Variants in CLIP4 observed in about 807,000 individuals in gnomAD.
CLIP4 encodes the protein CAP-Gly domain-containing linker protein 4.
Under a neutral mutation model 73.1 loss-of-function variants are expected in CLIP4, and 47 were observed. The observed-to-expected ratio is 0.64, with a 90% CI of 0.51 to 0.82. The LOEUF (loss-of-function observed/expected upper bound fraction) is 0.82, where lower values mean the gene tolerates loss of function less well. CLIP4 is among the 40% of genes least tolerant of loss of function. The pLI is 0.00. For missense variants in CLIP4, 874 were observed against 852.9 expected (o/e 1.02, Z -0.31); for synonymous variants, 306 against 295.4 (o/e 1.04, Z -0.37).
At chr2:29,155,950 T>C (rs1666894972) in intron 9 of CLIP4, among the ~76,000 whole-genome samples, 1 of 152,250 alleles carries the variant, frequency 6.6e-6, no homozygotes, top group South Asian at 2.1e-4. Flanking sequence ...CTGTCTAGTC[T>C]TGCTTTTCCT....
In CLIP4 at chr2:29,173,545, A is replaced by G. The variant is rs560394761; in HGVS notation, c.1724-828A>G. On this transcript the variant is annotated intron_variant, in intron 14 of 15. Transcript: ENST00000320081. ...AAAGCCTGCTGGTATAAGATGGTCA[A>G]TTACTTTGGTGCTTGGAGGCCTCTG... Among the ~76,000 whole-genome samples, 229 of 152,284 alleles carry G rather than the reference A, an allele frequency of 1.5e-3. 1 individual carries two copies. Among genetic ancestry groups the G allele is most frequent in the African/African-American group, 5.2e-3 (217 of 41,554 alleles).
chr2:29,149,986 A>G (rs907063772), intron 8 of CLIP4, among the ~76,000 whole-genome samples: 1 of 152,228 alleles, frequency 6.6e-6, no homozygotes, highest in Non-Finnish European at 1.5e-5. Flanking sequence ...ACTTATAATC[A>G]TAAACATTAT....
At chr2:29,150,122 C>G (rs929037551) in intron 8 of CLIP4, among the ~76,000 whole-genome samples, 1 of 152,190 alleles carries the variant, frequency 6.6e-6, no homozygotes, top group East Asian at 1.9e-4. Context: ...AGCCAACATG[C>G]TACATCCTAG....
At position 29,181,815 on chromosome 2, in the gene CLIP4, C is replaced by A. The variant is rs1558595090; in HGVS notation, c.2040C>A (p.Asn680Lys). 2 of 1,614,148 alleles carry A rather than the reference C, an allele frequency of 1.2e-6. No individual in the cohort carries two copies. Among genetic ancestry groups the A allele is most frequent in the Admixed American group, 1.7e-5 (1 of 60,032 alleles). The change falls in exon 16 of 16, where the codon AAC (asparagine) becomes AAA (lysine). Residue 680 changes from asparagine (N) to lysine (K), a missense_variant. Physicochemically the swap from Asn to Lys is moderately conservative, Grantham distance 94. Transcript: ENST00000320081. ...AGCGCTATTTCACCTGTAAGCCGAA[C>A]CATGGAGTCTTAGTTCGACCGAGCA... is the stretch of plus-strand genomic sequence containing the variant. ...GDKRYFTCKP[N>K]HGVLVRPSRV... is the part of the protein sequence containing the mutation.
At chr2:29,140,770 T>G (rs1005633448) in intron 6 of CLIP4, among the ~76,000 whole-genome samples, 5 of 152,238 alleles carry the variant, frequency 3.3e-5, no homozygotes, top group African/African-American at 7.2e-5. Flanking sequence ...ATGATCGCCA[T>G]TCTAACAGGT....
At chr2:29,153,983 T>G (rs1666752790) in intron 9 of CLIP4, among the ~76,000 whole-genome samples, 1 of 152,226 alleles carries the variant, frequency 6.6e-6, no homozygotes, top group Non-Finnish European at 1.5e-5. Context: ...ATCTGATGTT[T>G]TAGTTGAAGC....
chr2:29,115,346 A>T (rs994669192), upstream of CLIP4: 4 of 151,716 alleles, frequency 2.6e-5, no homozygotes, highest in Non-Finnish European at 5.9e-5. The surrounding 1 kb of genome is among the most constrained non-coding windows in gnomAD (Gnocchi z 5.1). Context: ...GCGCCCGATC[A>T]TCTGACTGCT....
chr2:29,173,981 T>C (rs185756796), intron 14 of CLIP4, among the ~76,000 whole-genome samples: 1 of 152,232 alleles, frequency 6.6e-6, no homozygotes, highest in East Asian at 1.9e-4. Flanking sequence ...AGAAATCTTA[T>C]AATGAAATTC....
chr2:29,123,180 C>T (rs1664383149), intron 2 of CLIP4, among the ~76,000 whole-genome samples: 1 of 152,178 alleles, frequency 6.6e-6, no homozygotes, highest in African/African-American at 2.4e-5. Flanking sequence ...GCCTGAAACT[C>T]CTTAGGCTAC....
chr2:29,140,031 CTTAT>C (rs1192081226), intron 6 of CLIP4, among the ~76,000 whole-genome samples: 3 of 151,270 alleles, frequency 2.0e-5, no homozygotes, highest in Non-Finnish European at 2.9e-5. Context: ...TTAGTTTGTT[CTTAT>C]TTATTTTTTT....
At chr2:29,127,856 T>C (rs189054474) in intron 2 of CLIP4, among the ~76,000 whole-genome samples, 1 of 152,164 alleles carries the variant, frequency 6.6e-6, no homozygotes, top group South Asian at 2.1e-4. Context: ...AGTTACAGAT[T>C]TGATGACAGT....
At position 29,149,623 on chromosome 2, in the gene CLIP4, A is replaced by G. The variant is rs374391238; in HGVS notation, c.1022-3062A>G. On this transcript the variant is annotated intron_variant, in intron 8 of 15. Coordinates refer to ENST00000320081, the MANE Select transcript of CLIP4 (RefSeq NM_024692.6). ...TCGAGATTTGAGAAAAGTCCTATCA[A>G]TACTTCAGTTAGCCTGAGTAACTGA... Among the ~76,000 whole-genome samples, 297 of 152,014 alleles carry G rather than the reference A, an allele frequency of 2.0e-3. 2 individuals carry two copies. Among genetic ancestry groups the G allele is most frequent in the Non-Finnish European group, 2.9e-3 (199 of 67,946 alleles).
At chr2:29,111,612 T>C (rs940685753), upstream of CLIP4, among the ~76,000 whole-genome samples, 1 of 152,258 alleles carries the variant, frequency 6.6e-6, no homozygotes, top group African/African-American at 2.4e-5. Context: ...ATTTTTATAT[T>C]GGCCTTTAAA....
intron 13 of CLIP4, among the ~76,000 whole-genome samples, chr2:29,164,295 T>A (rs1667468603): frequency 6.6e-6 from 1 of 152,200 alleles, no homozygotes; most frequent in Admixed American, 6.5e-5. Context: ...TTCAGTCACA[T>A]CCTAACTACA....
At chr2:29,130,843 A>C (rs887339596) in intron 2 of CLIP4, 19 of 1,289,478 alleles carry the variant, frequency 1.5e-5, no homozygotes, top group Non-Finnish European at 1.7e-5. Context: ...AAAAACCTCA[A>C]TGAGTCCCAC....
chr2:29,118,685 A>AT (rs1246867483), intron 1 of CLIP4, among the ~76,000 whole-genome samples: 12 of 151,690 alleles, frequency 7.9e-5, no homozygotes, highest in African/African-American at 1.5e-4. Flanking sequence ...TGCCCAGCGA[A>AT]TTTTTTGTAT....
chr2:29,172,487 C>T (rs569078441), intron 14 of CLIP4, among the ~76,000 whole-genome samples: 58 of 152,230 alleles, frequency 3.8e-4, no homozygotes, highest in African/African-American at 1.0e-3. Context: ...GTTGATGAGA[C>T]GTCACCTGTG....
At chr2:29,107,433 G>A (rs1043314467) in intron 1 of CLIP4, among the ~76,000 whole-genome samples, 13 of 130,506 alleles carry the variant, frequency 1.0e-4, no homozygotes, top group Non-Finnish European at 1.7e-4. Flanking sequence ...GTGCAGTGGT[G>A]CGATATTGGC....
At chr2:29,108,738 G>A (rs944040080) in intron 1 of CLIP4, among the ~76,000 whole-genome samples, 2 of 152,172 alleles carry the variant, frequency 1.3e-5, no homozygotes, top group African/African-American at 4.8e-5. Context: ...CAGTATGGAT[G>A]TCTAACAGAC....
Sources: allele counts gnomAD v4.1 joint callset (sites outside exome capture counted in the v4.1 genomes callset), GRCh38; gene constraint gnomAD v4.1.1; non-coding constraint Gnocchi (gnomAD v3.1); transcripts MANE v1.5; gene names NCBI Gene and HGNC (gene_info 2026-07-23, HGNC 2026-07-21).